WWOX: variants seen among roughly 807,000 people sequenced by gnomAD.
The protein encoded by WWOX is WW domain-containing oxidoreductase.
A neutral mutation model predicts 46.2 loss-of-function variants in WWOX; 69 were observed. The ratio of observed to expected loss-of-function variants is 1.49; its 90% CI spans 1.23 to 1.82. The LOEUF (loss-of-function observed/expected upper bound fraction) is 1.82. Among genes scored for constraint, WWOX ranks in the 40% most tolerant of loss-of-function variants. The pLI is 0.00. For synonymous variants in WWOX, 359 were observed against 202.6 expected (o/e 1.77, Z -6.56); for missense variants, 919 against 542.6 (o/e 1.69, Z -6.89).
intron 8 of WWOX, among the ~76,000 whole-genome samples, chr16:78,595,867 G>T (rs1041398873): frequency 1.3e-5 from 2 of 152,144 alleles, no homozygotes; most frequent in Non-Finnish European, 2.9e-5. Flanking sequence ...TCACCTTTCT[G>T]TGCAACAGGG....
intron 8 of WWOX, among the ~76,000 whole-genome samples, chr16:78,672,003 C>T (rs1488841466): frequency 3.9e-5 from 6 of 152,090 alleles, no homozygotes; most frequent in Non-Finnish European, 8.8e-5. Flanking sequence ...AAAGCAGGAA[C>T]ATCATCTGCT....
At chr16:78,930,899 T>C (rs1040629475) in intron 8 of WWOX, among the ~76,000 whole-genome samples, 5 of 152,054 alleles carry the variant, frequency 3.3e-5, no homozygotes, top group East Asian at 1.9e-4. Context: ...GGCTTTGTGG[T>C]CAATTAGTTC....
chr16:78,881,317 G>A (rs551191929), intron 8 of WWOX, among the ~76,000 whole-genome samples: 1 of 152,032 alleles, frequency 6.6e-6, no homozygotes, highest in African/African-American at 2.4e-5. Context: ...GTAAAATTTT[G>A]TCTACATAGT....
At chr16:78,302,292 T>G (rs2080055697) in intron 5 of WWOX, among the ~76,000 whole-genome samples, 3 of 152,148 alleles carry the variant, frequency 2.0e-5, no homozygotes, top group Admixed American at 2.0e-4. Context: ...GTTTTTCATA[T>G]TCCCAAAGCC....
rs1389232495 is a variant in WWOX at position 78,321,306 on chromosome 16, A to ATATATATGCGTATATATATACG, written c.517-65480_517-65459dup. 1.1e-3 allele frequency among the ~76,000 whole-genome samples: 80 copies of ATATATATGCGTATATATATACG among 74,148 alleles called. 2 individuals are homozygous for ATATATATGCGTATATATATACG. Among genetic ancestry groups the ATATATATGCGTATATATATACG allele is most frequent in the South Asian group, 2.5e-3 (6 of 2,410 alleles). 48.6% of individuals were successfully genotyped at this position (74,148 alleles called of 152,430 possible). A position where few individuals can be genotyped will look rare whatever the true frequency, so the allele number is the denominator to read the frequency against. ...TATATATATACGTATATATATACGT[A>ATATATATGCGTATATATATACG]TATATATGCGTATATATATACGTAT... On this transcript the variant is annotated intron_variant, in intron 5 of 8. Coordinates refer to ENST00000566780, the MANE Select transcript of WWOX (RefSeq NM_016373.4).
At chr16:78,879,095 G>C (rs1222475551) in intron 8 of WWOX, among the ~76,000 whole-genome samples, 1 of 151,968 alleles carries the variant, frequency 6.6e-6, no homozygotes, top group Non-Finnish European at 1.5e-5. Context: ...GAATTTACTA[G>C]AAACAAATTA....
intron 8 of WWOX, among the ~76,000 whole-genome samples, chr16:79,191,693 G>T (rs1000251728): frequency 3.3e-5 from 5 of 152,180 alleles, no homozygotes; most frequent in African/African-American, 1.2e-4. Context: ...CCATGATAAA[G>T]AATAAATACC....
intron 8 of WWOX, among the ~76,000 whole-genome samples, chr16:78,445,204 C>A (rs2083532601): frequency 1.3e-5 from 2 of 152,276 alleles, no homozygotes; most frequent in African/African-American, 2.4e-5. Context: ...GCCATTCTTT[C>A]AGCCTGTGCC....
At chr16:78,638,550 C>A (rs545247695) in intron 8 of WWOX, among the ~76,000 whole-genome samples, 5 of 152,258 alleles carry the variant, frequency 3.3e-5, no homozygotes, top group Non-Finnish European at 5.9e-5. Context: ...TTCTGAATGA[C>A]CCTGTTAATT....
At chr16:78,438,426 T>A (rs907292598) in intron 8 of WWOX, among the ~76,000 whole-genome samples, 1 of 151,744 alleles carries the variant, frequency 6.6e-6, no homozygotes, top group Non-Finnish European at 1.5e-5. Context: ...GCACCTTCAC[T>A]GAAATGAATG....
At chr16:78,101,701 C>T (rs966493456) in intron 1 of WWOX, among the ~76,000 whole-genome samples, 2 of 152,188 alleles carry the variant, frequency 1.3e-5, no homozygotes, top group African/African-American at 4.8e-5. Flanking sequence ...TGATTCTAAT[C>T]TATGCAAGGA....
intron 7 of WWOX, among the ~76,000 whole-genome samples, chr16:78,430,279 T>C (rs2083184300): frequency 2.0e-5 from 3 of 152,194 alleles, no homozygotes; most frequent in Non-Finnish European, 4.4e-5. Context: ...CACCTGGCTC[T>C]GCCCTTGACA....
intron 5 of WWOX, among the ~76,000 whole-genome samples, chr16:78,360,827 CTT>C (rs59558603): frequency 9.3e-5 from 14 of 150,162 alleles, no homozygotes; most frequent in African/African-American, 2.4e-4. Flanking sequence ...GCCTTTAGTG[CTT>C]TTTTTTTTTG....
At chr16:78,337,159 G>A (rs1265909932) in intron 5 of WWOX, among the ~76,000 whole-genome samples, 1 of 152,098 alleles carries the variant, frequency 6.6e-6, no homozygotes, top group East Asian at 1.9e-4. Flanking sequence ...ACATGTTTGT[G>A]GTAGGTAGCC....
At chr16:78,310,793 C>G (rs1190046280) in intron 5 of WWOX, among the ~76,000 whole-genome samples, 1 of 152,210 alleles carries the variant, frequency 6.6e-6, no homozygotes, top group African/African-American at 2.4e-5. Flanking sequence ...ATTTTCATCT[C>G]TTTTCAATGT....
intron 8 of WWOX, among the ~76,000 whole-genome samples, chr16:78,815,677 C>T (rs962346837): frequency 6.6e-6 from 1 of 152,166 alleles, no homozygotes; most frequent in Non-Finnish European, 1.5e-5. Context: ...GGGTTTTAAT[C>T]CTTCCTTCCC....
At chr16:79,062,534 G>T (rs978232336) in intron 8 of WWOX, among the ~76,000 whole-genome samples, 2 of 152,142 alleles carry the variant, frequency 1.3e-5, no homozygotes, top group African/African-American at 4.8e-5. Flanking sequence ...GACTTTATGG[G>T]ATTCTTCACC....
intron 5 of WWOX, among the ~76,000 whole-genome samples, chr16:78,347,169 G>C (rs1254357494): frequency 1.7e-5 from 2 of 118,406 alleles, no homozygotes; most frequent in Admixed American, 8.3e-5. Context: ...TTTAAACTTT[G>C]TCTTCCTTCT....
At chr16:78,711,658 G>T (rs556594632) in intron 8 of WWOX, among the ~76,000 whole-genome samples, 1 of 152,062 alleles carries the variant, frequency 6.6e-6, no homozygotes, top group Non-Finnish European at 1.5e-5. Flanking sequence ...TATTTGAGAC[G>T]AACAGGCCAA....
Sources: gnomAD v4.1 joint callset for allele counts (sites outside exome capture counted in the v4.1 genomes callset) on GRCh38, gnomAD v4.1.1 for gene constraint, MANE v1.5 for transcripts, NCBI Gene and HGNC (gene_info 2026-07-23, HGNC 2026-07-21) for gene names.